Variants in ZFYVE1 observed in about 807,000 individuals in gnomAD.
ZFYVE1 encodes zinc finger FYVE-type containing 1.
ZFYVE1 carries 30 observed loss-of-function variants against 74.4 expected under a neutral mutation model. The ratio of observed to expected loss-of-function variants is 0.40; its 90% CI spans 0.30 to 0.55. The LOEUF is 0.55. Ranked by LOEUF, ZFYVE1 falls within the 20% of genes least tolerant of loss-of-function variation. The pLI is 0.42. For missense variants in ZFYVE1, 703 were observed against 1,011.6 expected, an observed-to-expected ratio of 0.69 and a Z score of 4.14; for synonymous variants, 335 against 385.1, an observed-to-expected ratio of 0.87 and a Z score of 1.52.
intron 4 of ZFYVE1, among the ~76,000 whole-genome samples, chr14:72,983,285 T>G (rs924373166): frequency 8.6e-5 from 13 of 151,790 alleles, no homozygotes; most frequent in Non-Finnish European, 1.6e-4. Context: ...GCCACGTTGG[T>G]GTGCTGCACC....
intron 11 of ZFYVE1, 66 bp from the exon 12 acceptor site, chr14:72,971,180 C>T: frequency 6.5e-7 from 1 of 1,535,930 alleles, no homozygotes; most frequent in Non-Finnish European, 8.9e-7. Context: ...TAGCAAGAGG[C>T]CATCCTCGGA....
At chr14:72,991,426 T>C (rs142657092) in intron 4 of ZFYVE1, among the ~76,000 whole-genome samples, 11,051 of 152,188 alleles carry the variant, frequency 0.073, 543 homozygotes, top group East Asian at 0.19. Flanking sequence ...CCTGACCTCG[T>C]GATCCGCCCG....
In ZFYVE1 at chr14:72,975,097, G is replaced by T; in HGVS notation, c.1807-138C>A. 1 of 879,702 alleles carries T rather than the reference G, an allele frequency of 1.1e-6. No homozygotes were observed. The highest frequency in any genetic ancestry group is 1.7e-6 in the Non-Finnish European group (1 of 596,836). The allele number at this position is 879,702 out of a possible 1,614,324, so 54.5% of individuals were successfully genotyped here. A position where few individuals can be genotyped will look rare whatever the true frequency, so the allele number is the denominator to read the frequency against. On this transcript the variant is annotated intron_variant, in intron 9 of 11. Transcript: ENST00000556143. This position sits in a 1 kb window ranked among gnomAD's most constrained non-coding sequence, Gnocchi z 4.1. ...GCTCAACAAGGACAAGAGCTTTCTAGTAACGCGTTATCTGAGAATGGAAAG... is the reference window on the plus strand; with the variant it reads ...GCTCAACAAGGACAAGAGCTTTCTATTAACGCGTTATCTGAGAATGGAAAG...
At chr14:73,010,525 G>A (rs1006515226) in intron 2 of ZFYVE1, among the ~76,000 whole-genome samples, 3 of 151,916 alleles carry the variant, frequency 2.0e-5, no homozygotes, top group East Asian at 1.9e-4. Context: ...CACTTGAACC[G>A]GGAGGCAAAG....
chr14:72,969,966 T>C lies in ZFYVE1; in HGVS notation c.*916A>G. 1 of 443,794 alleles carries C rather than the reference T, an allele frequency of 2.3e-6. No individual in the cohort carries two copies. The highest frequency in any genetic ancestry group is 4.0e-6 in the Non-Finnish European group (1 of 249,174). The allele number at this position is 443,794 out of a possible 1,614,324, so 27.5% of individuals were successfully genotyped here. ...CTGGGAACAAAGGATTAAGACACTT[T>C]AAAATAAGCAATGAAAATCCTAGTG... On this transcript the variant is annotated 3_prime_UTR_variant, in exon 12 of 12. Transcript: ENST00000556143.
At chr14:73,007,590 GTC>G (rs1294398458) in intron 2 of ZFYVE1, among the ~76,000 whole-genome samples, 1 of 152,056 alleles carries the variant, frequency 6.6e-6, no homozygotes, top group Non-Finnish European at 1.5e-5. Context: ...GCCCAGGCTG[GTC>G]TTGAACTCCT....
At chr14:73,001,385 C>T (rs1893869848) in intron 2 of ZFYVE1, among the ~76,000 whole-genome samples, 1 of 152,122 alleles carries the variant, frequency 6.6e-6, no homozygotes, top group South Asian at 2.1e-4. Flanking sequence ...TTAAGTTTCA[C>T]ATACTTAACC....
In ZFYVE1 at chr14:72,973,651, C is replaced by T. The variant is rs781692797; in HGVS notation, c.2101+429G>A. 4.6e-5 allele frequency among the ~76,000 whole-genome samples: 7 copies of T among 152,314 alleles called. No homozygotes were observed. In the East Asian group the frequency reaches 5.8e-4, roughly 13 times the overall value. On this transcript the variant is annotated intron_variant, in intron 11 of 11. Coordinates refer to ENST00000556143, the MANE Select transcript of ZFYVE1 (RefSeq NM_021260.4). Reference sequence around the variant, plus strand: ...AAAGACCGAGTGAGGCTCTGCTACACACAGCCTCCTAACTGTCCCTGCCAA... The same window carrying T: ...AAAGACCGAGTGAGGCTCTGCTACATACAGCCTCCTAACTGTCCCTGCCAA...
In ZFYVE1 at chr14:72,969,485, G is replaced by A. The variant is rs972051685; in HGVS notation, c.*1397C>T. On this transcript the variant is annotated 3_prime_UTR_variant, in exon 12 of 12. Coordinates refer to ENST00000556143, the MANE Select transcript of ZFYVE1 (RefSeq NM_021260.4). The stretch of plus-strand genomic sequence containing the variant: ...ATTCCTTTATGATGGCGAATTGGAT[G>A]GTACACAGTTCTAGAGTAGGGTCCC... 9 of 509,352 alleles carry A rather than the reference G, an allele frequency of 1.8e-5. No homozygotes were observed. The highest frequency in any genetic ancestry group is 1.7e-4 in the African/African-American group (9 of 51,642). The allele number at this position is 509,352 out of a possible 1,614,324, so 31.6% of individuals were successfully genotyped here. A position where few individuals can be genotyped will look rare whatever the true frequency, so the allele number is the denominator to read the frequency against.
chr14:73,002,531 C>T (rs760798472), intron 2 of ZFYVE1, among the ~76,000 whole-genome samples: 2 of 151,932 alleles, frequency 1.3e-5, no homozygotes, highest in Non-Finnish European at 2.9e-5. Context: ...CAACCTCCAC[C>T]TCCTGGGTTT....
intron 2 of ZFYVE1, among the ~76,000 whole-genome samples, chr14:73,001,438 T>C (rs1244192329): frequency 7.2e-5 from 11 of 152,136 alleles, no homozygotes; most frequent in Admixed American, 7.2e-4. Flanking sequence ...TACCGTCACA[T>C]TTCTCTTATT....
chr14:73,005,608 A>G (rs576263405), intron 2 of ZFYVE1, among the ~76,000 whole-genome samples: 29 of 152,232 alleles, frequency 1.9e-4, no homozygotes, highest in African/African-American at 7.0e-4. Context: ...TTACTTAACT[A>G]CTCAACACCT....
At chr14:73,015,284 G>GGAAGGAAGGAAA (rs1940727222) in intron 2 of ZFYVE1, among the ~76,000 whole-genome samples, 1 of 83,054 alleles carries the variant, frequency 1.2e-5, no homozygotes, top group East Asian at 4.1e-4. Flanking sequence ...AAGGAAGGAA[G>GGAAGGAAGGAAA]GAAGGAAGGA....
intron 3 of ZFYVE1, among the ~76,000 whole-genome samples, chr14:72,997,040 C>T (rs1406176854): frequency 1.3e-5 from 2 of 152,136 alleles, no homozygotes; most frequent in Non-Finnish European, 2.9e-5. Context: ...ACACACGTCC[C>T]ATGTCCACAT....
At chr14:73,025,722 A>G (rs1894445925) in intron 1 of ZFYVE1, among the ~76,000 whole-genome samples, 1 of 151,342 alleles carries the variant, frequency 6.6e-6, no homozygotes, top group South Asian at 2.1e-4. Context: ...AAAAATCTCA[A>G]AATTGTGGCT....
intron 1 of ZFYVE1, among the ~76,000 whole-genome samples, 171 bp downstream of exon 1, chr14:73,026,755 G>A (rs1462118614): frequency 8.4e-6 from 1 of 119,096 alleles, no homozygotes; most frequent in Non-Finnish European, 1.8e-5. Context: ...TCCCCCCCAC[G>A]CCGGCAAAAC....
At position 72,970,594 on chromosome 14, in the gene ZFYVE1, A is replaced by G. The variant is rs1594825382; in HGVS notation, c.*288T>C. On this transcript the variant is annotated 3_prime_UTR_variant, in exon 12 of 12. Transcript: ENST00000556143. ...CGCCCCGAGTGCCTTTCATATGTAT[A>G]TATGAGAGAGAGATATACACATATA... The G allele has an allele frequency of 6.9e-6, 3 of 432,798 alleles. No individual in the cohort carries two copies. The South Asian group carries it at 7.8e-5, about 11-fold the overall frequency. 26.8% of individuals were successfully genotyped at this position (432,798 alleles called of 1,614,324 possible).
intron 3 of ZFYVE1, among the ~76,000 whole-genome samples, chr14:72,994,756 T>C (rs1158799662): frequency 6.6e-6 from 1 of 152,206 alleles, no homozygotes; most frequent in Non-Finnish European, 1.5e-5. Context: ...TGCAACTTGC[T>C]CTTTTCTCAC....
intron 2 of ZFYVE1, among the ~76,000 whole-genome samples, chr14:73,013,319 C>T (rs1669555501): frequency 6.6e-6 from 1 of 152,058 alleles, no homozygotes. Context: ...AGAAGAGGGG[C>T]AAAATGGGCC....
Sources: gnomAD v4.1 joint callset for allele counts (sites outside exome capture counted in the v4.1 genomes callset) on GRCh38, gnomAD v4.1.1 for gene constraint, Gnocchi (gnomAD v3.1) non-coding constraint, MANE v1.5 for transcripts, NCBI Gene and HGNC (gene_info 2026-07-23, HGNC 2026-07-21) for gene names.